ST14: variants seen among roughly 807,000 people sequenced by gnomAD.
ST14 encodes ST14 transmembrane serine protease matriptase.
ST14 carries 40 observed loss-of-function variants against 96.5 expected under a neutral mutation model. That is an observed-to-expected ratio of 0.41 (90% CI 0.32 to 0.54). ST14 has a LOEUF of 0.54. Among genes scored for constraint, ST14 ranks in the 20% least tolerant of loss-of-function variants. The probability of loss-of-function intolerance (pLI) is 0.17; values close to 1 mark genes in which losing one functional copy is unlikely to be tolerated. For synonymous variants in ST14, 506 were observed against 492.1 expected (o/e 1.03, Z -0.37); for missense variants, 1,066 against 1,188.9 (o/e 0.90, Z 1.52).
chr11:130,208,919 G>T (rs1010936138), intron 17 of ST14, among the ~76,000 whole-genome samples: 1 of 152,166 alleles, frequency 6.6e-6, no homozygotes, highest in African/African-American at 2.4e-5. Context: ...GACCTTGAGC[G>T]AGTTGCTTAA....
intron 16 of ST14, 67 bp from the exon 17 acceptor site, chr11:130,208,343 C>CG: frequency 6.2e-7 from 1 of 1,608,804 alleles, no homozygotes; most frequent in Non-Finnish European, 8.5e-7. Context: ...TGGGAACGCG[C>CG]GGGGCCGCGA....
chr11:130,207,224 C>T (rs989007705), intron 16 of ST14, among the ~76,000 whole-genome samples: 2 of 152,206 alleles, frequency 1.3e-5, no homozygotes, highest in East Asian at 3.9e-4. Flanking sequence ...CTGGGTGCTG[C>T]TGGAGACAGT....
chr11:130,159,870 C>A lies in ST14; in HGVS notation c.-110C>A. 2.0e-6 allele frequency: 1 copy of A among 504,686 alleles called. No homozygotes were observed. Among genetic ancestry groups the A allele is most frequent in the Non-Finnish European group, 2.9e-6 (1 of 349,290 alleles). The allele number at this position is 504,686 out of a possible 1,614,324, so 31.3% of individuals were successfully genotyped here. A position where few individuals can be genotyped will look rare whatever the true frequency, so the allele number is the denominator to read the frequency against. On this transcript the variant is annotated 5_prime_UTR_variant, in exon 1 of 19. Transcript: ENST00000278742. Reference sequence around the variant, plus strand: ...ACCGCCGCCGGTCGGGCGCGCTGGGCCTGCCCGGAATCCCGCCGCCTGCGC... The same window carrying A: ...ACCGCCGCCGGTCGGGCGCGCTGGGACTGCCCGGAATCCCGCCGCCTGCGC...
intron 16 of ST14, among the ~76,000 whole-genome samples, chr11:130,205,272 G>A (rs1372903274): frequency 6.6e-6 from 1 of 152,078 alleles, no homozygotes; most frequent in Non-Finnish European, 1.5e-5. Flanking sequence ...GACTACAGGT[G>A]TGCGCCACCT....
At position 130,196,877 on chromosome 11, in the gene ST14, G is replaced by A. The variant is rs1292291589; in HGVS notation, c.1354+177G>A. 4 of 919,538 alleles carry A rather than the reference G, an allele frequency of 4.4e-6. No homozygotes were observed. In the Admixed American group the frequency reaches 6.2e-5, roughly 14 times the overall value. The allele number at this position is 919,538 out of a possible 1,614,324, so 57.0% of individuals were successfully genotyped here. ...CGCTACCTTTGATGCATTAATGAAAGCAGGCTGGCTGTGAGCGCTGGCACA... is the reference window on the plus strand; with the variant it reads ...CGCTACCTTTGATGCATTAATGAAAACAGGCTGGCTGTGAGCGCTGGCACA... On this transcript the variant is annotated intron_variant, in intron 11 of 18. Coordinates refer to ENST00000278742, the MANE Select transcript of ST14 (RefSeq NM_021978.4).
intron 1 of ST14, among the ~76,000 whole-genome samples, chr11:130,167,778 G>A (rs7946728): frequency 0.012 from 1,827 of 152,042 alleles, 36 homozygotes; most frequent in African/African-American, 0.042. Context: ...GCAGTGGCGC[G>A]ATCTCGGCTC....
rs1277400245 is a variant in ST14, at chr11:130,200,085, C to T, written c.1942C>T (p.Pro648Ser). The stretch of plus-strand genomic sequence containing the variant: ...CATCTGCGGTGCTTCCCTCATCTCT[C>T]CCAACTGGCTGGTCTCTGCCGCACA... Reference protein sequence around the residue: ...GHICGASLISPNWLVSAAHCY... With the variant: ...GHICGASLISSNWLVSAAHCY... Residue 648 changes from proline to serine, a missense_variant, in exon 16 of 19, where the codon CCC becomes TCC. Coordinates refer to ENST00000278742, the MANE Select transcript of ST14 (RefSeq NM_021978.4). 38 of 1,614,124 alleles carry T rather than the reference C, an allele frequency of 2.4e-5. No individual in the cohort carries two copies. The highest frequency in any genetic ancestry group is 3.1e-5 in the Non-Finnish European group (37 of 1,180,054).
chr11:130,174,009 C>CT (rs1326443682), intron 1 of ST14, among the ~76,000 whole-genome samples: 1 of 152,190 alleles, frequency 6.6e-6, no homozygotes, highest in Non-Finnish European at 1.5e-5. Flanking sequence ...GTTTCAAATA[C>CT]TTTTTTTGCA....
intron 15 of ST14, 113 bp from the exon 16 acceptor site, chr11:130,199,838 C>T (rs1039181763): frequency 3.9e-5 from 52 of 1,344,374 alleles, no homozygotes; most frequent in Middle Eastern, 2.1e-4. Flanking sequence ...GTGCTGTGCA[C>T]GCCAAAAGCT....
At chr11:130,204,650 A>C (rs751280488) in intron 16 of ST14, among the ~76,000 whole-genome samples, 14 of 152,270 alleles carry the variant, frequency 9.2e-5, no homozygotes, top group Non-Finnish European at 1.8e-4. Flanking sequence ...CATTTCTACT[A>C]AAAATACAAA....
Position 130,190,153 on chromosome 11 carries a change from G to A in ST14, c.634+5G>A, listed in dbSNP as rs1255889608. 1.2e-6 allele frequency: 2 copies of A among 1,614,100 alleles called. No homozygotes were observed. Among genetic ancestry groups the A allele is most frequent in the Non-Finnish European group, 1.7e-6 (2 of 1,180,034 alleles). Reference sequence around the variant, plus strand: ...CAGTACAGAGGACCCAGGACAGTAAGTATCGTGCCCGCCTCCTCTTCTGGG... The same window carrying A: ...CAGTACAGAGGACCCAGGACAGTAAATATCGTGCCCGCCTCCTCTTCTGGG... On this transcript the variant is annotated splice_donor_5th_base_variant and intron_variant, in intron 6 of 18. Coordinates refer to ENST00000278742, the MANE Select transcript of ST14 (RefSeq NM_021978.4).
rs897630924 is a variant in ST14 at position 130,170,573 on chromosome 11, T to C, written c.81+10513T>C. On this transcript the variant is annotated intron_variant, in intron 1 of 18. Transcript: ENST00000278742. ...GAGGATTCCTGGCAAGGCTCAGCTT[T>C]GGCCTGTGTGCTGGAGGGCAGGCAG... Among the ~76,000 whole-genome samples, 4 of 151,952 alleles carry C rather than the reference T, an allele frequency of 2.6e-5. No homozygotes were observed. The South Asian group carries it at 8.3e-4, about 32-fold the overall frequency.
chr11:130,208,450 C>T lies in ST14; in HGVS notation c.2035C>T (p.His679Tyr). ...PTQWTAFLGL[H>Y]DQSQRSAPGV... ...GCAGTGGACGGCCTTCCTGGGCTTGCACGACCAGAGCCAGCGCAGCGCCCC... is the reference window on the plus strand; with the variant it reads ...GCAGTGGACGGCCTTCCTGGGCTTGTACGACCAGAGCCAGCGCAGCGCCCC... The change falls in exon 17 of 19, where the codon CAC becomes TAC. Residue 679 changes from histidine to tyrosine, a missense_variant. His to Tyr is a moderately conservative substitution (Grantham distance 83). Transcript: ENST00000278742. 6.2e-7 allele frequency: 1 copy of T among 1,614,180 alleles called. No individual in the cohort carries two copies. The highest frequency in any genetic ancestry group is 8.5e-7 in the Non-Finnish European group (1 of 1,180,050).
intron 1 of ST14, among the ~76,000 whole-genome samples, chr11:130,168,890 C>T (rs111997990): frequency 1.5e-4 from 23 of 152,016 alleles, no homozygotes; most frequent in Non-Finnish European, 2.6e-4. Flanking sequence ...TTGGGTTTTT[C>T]CCACTAGCTT....
chr11:130,172,486 C>T (rs542342023), intron 1 of ST14, among the ~76,000 whole-genome samples: 14 of 146,894 alleles, frequency 9.5e-5, no homozygotes, highest in East Asian at 4.0e-4. Context: ...GGTGCGATCT[C>T]GGCTCACTGC....
chr11:130,194,851 CATGTGTGT>C lies in ST14; in HGVS notation c.1113+115_1113+122del, dbSNP rs762563765. 52 of 884,786 alleles carry C rather than the reference CATGTGTGT, an allele frequency of 5.9e-5. 1 individual carries two copies. Among genetic ancestry groups the C allele is most frequent in the South Asian group, 3.7e-4 (26 of 69,472 alleles). The allele number at this position is 884,786 out of a possible 1,614,324, so 54.8% of individuals were successfully genotyped here. On this transcript the variant is annotated intron_variant, in intron 9 of 18. Transcript: ENST00000278742. ...GTGTGCATGTGTTTGCATATGTGTG[CATGTGTGT>C]GTGTGTGTGTGTGTGTGCGTATGTG...
intron 16 of ST14, among the ~76,000 whole-genome samples, chr11:130,201,006 T>C (rs1953421520): frequency 6.6e-6 from 1 of 152,236 alleles, no homozygotes; most frequent in East Asian, 1.9e-4. Flanking sequence ...TCTTCACCAA[T>C]GATAGTGACA....
chr11:130,193,879 T>G (rs1181963622), intron 7 of ST14, among the ~76,000 whole-genome samples: 1 of 151,262 alleles, frequency 6.6e-6, no homozygotes, highest in African/African-American at 2.4e-5. Context: ...CATCAGTGAT[T>G]GTGACAAAGG....
At chr11:130,190,298 T>C (rs775783792) in intron 6 of ST14, 150 bp downstream of exon 6, 94 of 1,475,640 alleles carry the variant, frequency 6.4e-5, no homozygotes, top group Non-Finnish European at 8.3e-5. Flanking sequence ...CAGGCCCTTC[T>C]GAGAAGCCCC....
Sources: gnomAD v4.1 joint callset for allele counts (sites outside exome capture counted in the v4.1 genomes callset) on GRCh38, gnomAD v4.1.1 for gene constraint, MANE v1.5 for transcripts, NCBI Gene and HGNC (gene_info 2026-07-23, HGNC 2026-07-21) for gene names.